Variants in ANO6 observed in about 807,000 individuals in gnomAD.
ANO6 encodes anoctamin 6.
A neutral mutation model predicts 117.5 loss-of-function variants in ANO6; 106 were observed. That is an observed-to-expected ratio of 0.90 (90% CI 0.77 to 1.06). The LOEUF (loss-of-function observed/expected upper bound fraction) is 1.06, where lower values mean the gene tolerates loss of function less well. Among genes scored for constraint, ANO6 ranks in the 50% least tolerant of loss-of-function variants. The pLI, the probability that ANO6 is intolerant of heterozygous loss-of-function variation, is 0.00. For missense variants in ANO6, 955 were observed against 1,121.1 expected (o/e 0.85, Z 2.12); for synonymous variants, 367 against 385.1 (o/e 0.95, Z 0.55).
Position 45,291,342 on chromosome 12 carries a change from G to A in ANO6, c.71-10672G>A, listed in dbSNP as rs544840891. Among the ~76,000 whole-genome samples the A allele has an allele frequency of 8.9e-3, 845 of 95,336 alleles. 5 individuals carry two copies. Among genetic ancestry groups the A allele is most frequent in the Middle Eastern group, 0.011 (1 of 88 alleles). The allele number at this position is 95,336 out of a possible 152,430, so 62.5% of individuals were successfully genotyped here. A position where few individuals can be genotyped will look rare whatever the true frequency, so the allele number is the denominator to read the frequency against. ...GCCTGGGCAACAAGAGTGAAACTCC[G>A]TCTCAAAAAAAAAAAAAAAAAAAAA... On this transcript the variant is annotated intron_variant, in intron 1 of 19. Transcript: ENST00000320560.
chr12:45,411,440 G>C (rs933302424), intron 16 of ANO6, among the ~76,000 whole-genome samples: 2 of 152,218 alleles, frequency 1.3e-5, no homozygotes, highest in South Asian at 2.1e-4. Flanking sequence ...GTCTGTCACT[G>C]TGTGGGCAAC....
chr12:45,220,616 A>G (rs755821088), intron 1 of ANO6, among the ~76,000 whole-genome samples: 16 of 152,222 alleles, frequency 1.1e-4, no homozygotes, highest in Non-Finnish European at 2.2e-4. Flanking sequence ...AGTTCCTTAG[A>G]ACCAGACTGT....
At position 45,359,170 on chromosome 12, in the gene ANO6, T is replaced by C. The variant is rs117928242; in HGVS notation, c.998+1746T>C. Among the ~76,000 whole-genome samples, 841 of 152,336 alleles carry C rather than the reference T, an allele frequency of 5.5e-3. 27 individuals carry two copies. In the East Asian group the frequency reaches 0.11, roughly 19 times the overall value. On this transcript the variant is annotated intron_variant, in intron 8 of 19. Coordinates refer to ENST00000320560, the MANE Select transcript of ANO6 (RefSeq NM_001025356.3). ...CCTTTTTTAAAGTGCACAATTTAGG[T>C]GTACCCCTTTCCCTTAGCCCCTGGC...
intron 2 of ANO6, among the ~76,000 whole-genome samples, chr12:45,310,844 T>G (rs961423479): frequency 2.6e-5 from 4 of 151,982 alleles, no homozygotes; most frequent in African/African-American, 9.7e-5. Flanking sequence ...AGGGTAGAAG[T>G]TGGGCATAGG....
chr12:45,336,743 G>C (rs937134028), intron 3 of ANO6, among the ~76,000 whole-genome samples: 4 of 151,940 alleles, frequency 2.6e-5, no homozygotes, highest in African/African-American at 9.7e-5. Context: ...TATTTTAAAA[G>C]TATACTTTTT....
intron 7 of ANO6, among the ~76,000 whole-genome samples, chr12:45,352,628 G>A (rs2137460777): frequency 6.7e-6 from 1 of 148,794 alleles, no homozygotes; most frequent in African/African-American, 2.5e-5. Context: ...CTACTCAGGA[G>A]ACTGAGAAGG....
At chr12:45,223,187 G>A (rs1303285610) in intron 1 of ANO6, among the ~76,000 whole-genome samples, 2 of 152,176 alleles carry the variant, frequency 1.3e-5, no homozygotes, top group African/African-American at 4.8e-5. Context: ...GGAGGGTGTC[G>A]TGGGAACCCC....
rs551099264 is a variant in ANO6, at chr12:45,432,008, A to G, written c.*2697A>G. 1.4e-5 allele frequency: 14 copies of G among 985,320 alleles called. No homozygotes were observed. Among genetic ancestry groups the G allele is most frequent in the Non-Finnish European group, 1.7e-5 (14 of 829,912 alleles). 61.0% of individuals were successfully genotyped at this position (985,320 alleles called of 1,614,324 possible). ...TTTTAAAACTAAACAAGGCCATCTT[A>G]TAAACTGTCACCAAAGTCTTCCCTT... On this transcript the variant is annotated 3_prime_UTR_variant, in exon 20 of 20. Coordinates refer to ENST00000320560, the MANE Select transcript of ANO6 (RefSeq NM_001025356.3).
chr12:45,286,697 AT>A (rs1354582464), intron 1 of ANO6, among the ~76,000 whole-genome samples: 8 of 152,128 alleles, frequency 5.3e-5, no homozygotes, highest in Non-Finnish European at 1.2e-4. Context: ...TAAGCATAAC[AT>A]TTTTTCCCCT....
intron 15 of ANO6, among the ~76,000 whole-genome samples, chr12:45,403,895 T>C (rs1942864919): frequency 6.6e-6 from 1 of 152,214 alleles, no homozygotes; most frequent in South Asian, 2.1e-4. Flanking sequence ...CCTCATATCC[T>C]TCTCCTCTCT....
chr12:45,333,125 C>G (rs1245241005), intron 3 of ANO6, among the ~76,000 whole-genome samples: 1 of 151,756 alleles, frequency 6.6e-6, no homozygotes, highest in Admixed American at 6.6e-5. Context: ...TAATACTTAG[C>G]CTATATAATT....
Position 45,376,904 on chromosome 12 carries a change from G to T in ANO6, c.1105-1149G>T, listed in dbSNP as rs572182933. ...AAAAAAAAAAGAAGAAGAATGATTG[G>T]ATGACAGACAATTTAGGATTATGCT... is the stretch of plus-strand genomic sequence containing the variant. On this transcript the variant is annotated intron_variant, in intron 9 of 19. Transcript: ENST00000320560. 5.9e-5 allele frequency among the ~76,000 whole-genome samples: 9 copies of T among 151,944 alleles called. No homozygotes were observed. The East Asian group carries it at 1.4e-3, about 23-fold the overall frequency.
At chr12:45,298,571 G>A (rs1441852336) in intron 1 of ANO6, among the ~76,000 whole-genome samples, 2 of 152,220 alleles carry the variant, frequency 1.3e-5, no homozygotes, top group African/African-American at 4.8e-5. Flanking sequence ...ATCAGGTCAT[G>A]AGAGCAAGAG....
intron 17 of ANO6, among the ~76,000 whole-genome samples, chr12:45,418,132 G>C (rs527417422): frequency 6.6e-6 from 1 of 152,142 alleles, no homozygotes; most frequent in Non-Finnish European, 1.5e-5. Flanking sequence ...CAGTAACGCT[G>C]TGAGGACTCT....
intron 1 of ANO6, among the ~76,000 whole-genome samples, chr12:45,293,746 T>TTG (rs1555166014): frequency 4.3e-5 from 6 of 139,712 alleles, no homozygotes; most frequent in Non-Finnish European, 9.2e-5. Context: ...TTTTTTTTTT[T>TTG]TTTTTTTTTT....
intron 2 of ANO6, among the ~76,000 whole-genome samples, chr12:45,303,042 T>TGG (rs1189531731): frequency 4.6e-5 from 7 of 152,220 alleles, no homozygotes; most frequent in Non-Finnish European, 7.3e-5. Context: ...TCACTCTTTA[T>TGG]GGATTGCCTA....
intron 2 of ANO6, among the ~76,000 whole-genome samples, chr12:45,325,536 A>G (rs1055516747): frequency 5.9e-5 from 9 of 152,186 alleles, no homozygotes; most frequent in Non-Finnish European, 1.2e-4. Flanking sequence ...TATTGGGAAT[A>G]TCTTAAAGTT....
intron 8 of ANO6, among the ~76,000 whole-genome samples, chr12:45,365,013 G>A (rs988690507): frequency 6.6e-6 from 1 of 151,876 alleles, no homozygotes; most frequent in African/African-American, 2.4e-5. Context: ...TCTTTGTCAT[G>A]TGTGACCACT....
chr12:45,243,203 C>T (rs1947772336), intron 1 of ANO6, among the ~76,000 whole-genome samples: 1 of 152,176 alleles, frequency 6.6e-6, no homozygotes, highest in Admixed American at 6.5e-5. Context: ...CCTGTAGTCT[C>T]AGCCACTCAG....
Sources: allele counts gnomAD v4.1 joint callset (sites outside exome capture counted in the v4.1 genomes callset), GRCh38; gene constraint gnomAD v4.1.1; transcripts MANE v1.5; gene names NCBI Gene and HGNC (gene_info 2026-07-23, HGNC 2026-07-21).